The following SP3 variants were observed in gnomAD, a reference collection of about 807,000 sequenced individuals.
SP3 encodes the protein transcription factor Sp3.
Under a neutral mutation model 70.3 loss-of-function variants are expected in SP3, and 10 were observed. The observed-to-expected ratio is 0.14, with a 90% CI of 0.09 to 0.24. SP3 has a LOEUF of 0.24. Ranked by LOEUF, SP3 falls within the 10% of genes least tolerant of loss-of-function variation. SP3 has a pLI of 1.00. For missense variants in SP3, 825 were observed against 914.6 expected, an observed-to-expected ratio of 0.90 and a Z score of 1.26; for synonymous variants, 402 against 333.5, an observed-to-expected ratio of 1.21 and a Z score of -2.24.
In SP3 at chr2:173,944,953, C is replaced by T. The variant is rs147702920; in HGVS notation, c.1639+9920G>A. ...CCAACATGGTGAAACCCTGTCTCTA[C>T]GAAAAACAAACACTGAGCAGCCATT... On this transcript the variant is annotated intron_variant, in intron 4 of 6. Coordinates refer to ENST00000310015, the MANE Select transcript of SP3 (RefSeq NM_003111.5). Among the ~76,000 whole-genome samples the T allele has an allele frequency of 7.2e-4, 110 of 152,162 alleles. 1 individual carries two copies. In the East Asian group the frequency reaches 0.017, roughly 23 times the overall value.
At chr2:173,965,071 G>C (rs1691250011) in intron 1 of SP3, 94 bp downstream of exon 1, 1 of 1,496,644 alleles carries the variant, frequency 6.7e-7, no homozygotes. Flanking sequence ...GCACACACGG[G>C]GCCGAGACCG....
chr2:173,901,695 CTTTTTTTTTT>C lies in SP3; in HGVS notation c.*8236_*8245del, dbSNP rs34329180. On this transcript the variant is annotated 3_prime_UTR_variant, in exon 7 of 7. Transcript: ENST00000310015. The stretch of plus-strand genomic sequence containing the variant: ...GGGAAACAGTTAGTTGGACTTAAGC[CTTTTTTTTTT>C]TTTTTTTTTTTTTTGAGACGAAATC... Among the ~76,000 whole-genome samples the C allele has an allele frequency of 1.3e-5, 1 of 74,958 alleles. No individual in the cohort carries two copies. Among genetic ancestry groups the C allele is most frequent in the South Asian group, 6.5e-4 (1 of 1,532 alleles). 49.2% of individuals were successfully genotyped at this position (74,958 alleles called of 152,430 possible). A position where few individuals can be genotyped will look rare whatever the true frequency, so the allele number is the denominator to read the frequency against.
At chr2:173,928,216 C>T (rs1356432270) in intron 4 of SP3, among the ~76,000 whole-genome samples, 1 of 152,194 alleles carries the variant, frequency 6.6e-6, no homozygotes, top group African/African-American at 2.4e-5. Flanking sequence ...GAAACTCAAA[C>T]CCTTCAAAAT....
chr2:173,938,701 G>A (rs532992378), intron 4 of SP3, among the ~76,000 whole-genome samples: 1 of 152,228 alleles, frequency 6.6e-6, no homozygotes, highest in African/African-American at 2.4e-5. Context: ...TAATTCAAAG[G>A]TGGCAAGAAG....
intron 5 of SP3, chr2:173,915,916 T>C (rs943552022): frequency 6.6e-6 from 1 of 152,060 alleles, no homozygotes; most frequent in Non-Finnish European, 1.5e-5. Context: ...TCTCTAAAGA[T>C]GAATAAAATC....
chr2:173,916,471 C>T lies in SP3; in HGVS notation c.1832+2122G>A, dbSNP rs370198849. ...GTAAAACTGGGAAAAAACATTTGCACGTGACAGAGTTACATAAATTAACAG... is the reference window on the plus strand; with the variant it reads ...GTAAAACTGGGAAAAAACATTTGCATGTGACAGAGTTACATAAATTAACAG... On this transcript the variant is annotated intron_variant, in intron 5 of 6. Coordinates refer to ENST00000310015, the MANE Select transcript of SP3 (RefSeq NM_003111.5). The T allele has an allele frequency of 5.9e-5, 9 of 151,296 alleles. No homozygotes were observed. The South Asian group carries it at 1.0e-3, about 18-fold the overall frequency. The allele number at this position is 151,296 out of a possible 1,614,324, so 9.4% of individuals were successfully genotyped here. A position where few individuals can be genotyped will look rare whatever the true frequency, so the allele number is the denominator to read the frequency against.
intron 4 of SP3, among the ~76,000 whole-genome samples, chr2:173,934,361 C>G (rs1690156479): frequency 1.3e-5 from 2 of 152,080 alleles, no homozygotes; most frequent in Non-Finnish European, 2.9e-5. Flanking sequence ...CTCTTTAAAA[C>G]TTTCTTACCA....
intron 4 of SP3, among the ~76,000 whole-genome samples, chr2:173,949,669 A>T (rs1392061288): frequency 3.9e-5 from 6 of 152,148 alleles, no homozygotes; most frequent in African/African-American, 1.2e-4. Flanking sequence ...ATATTAAGTT[A>T]AAAAAGCCTG....
At chr2:173,915,653 TGACAAAGAAAACA>T (rs1420901833) in intron 5 of SP3, 1 of 152,040 alleles carries the variant, frequency 6.6e-6, no homozygotes, top group East Asian at 1.9e-4. Context: ...ACTGAAATGC[TGACAAAGAAAACA>T]GATTGTGCAC....
At chr2:173,964,159 C>T in intron 2 of SP3, 1 of 391,310 alleles carries the variant, frequency 2.6e-6, no homozygotes, top group Non-Finnish European at 4.5e-6. Context: ...GAACCCACCC[C>T]CGGGAGGGCA....
rs908940075 is a variant in SP3, at chr2:173,920,399, G to A, written c.1640-1614C>T. 3.3e-5 allele frequency among the ~76,000 whole-genome samples: 5 copies of A among 152,100 alleles called. No homozygotes were observed. In the South Asian group the frequency reaches 8.3e-4, roughly 25 times the overall value. On this transcript the variant is annotated intron_variant, in intron 4 of 6. Transcript: ENST00000310015. ...TCAAACTTACAGAATGTATAAACAC[G>A]AAGAGGGAACCCTAATGTAGAGTAT... is the stretch of plus-strand genomic sequence containing the variant.
Position 173,932,616 on chromosome 2 carries a change from T to C in SP3, c.1640-13831A>G, listed in dbSNP as rs1430640684. Among the ~76,000 whole-genome samples the C allele has an allele frequency of 7.2e-5, 11 of 152,334 alleles. No individual in the cohort carries two copies. In the East Asian group the frequency reaches 1.7e-3, roughly 24 times the overall value. On this transcript the variant is annotated intron_variant, in intron 4 of 6. Coordinates refer to ENST00000310015, the MANE Select transcript of SP3 (RefSeq NM_003111.5). Reference sequence around the variant, plus strand: ...TTATATCAATTAAGTTCACCTTCTATGGGTGCATGGTCTGTTGTGCCCCAA... The same window carrying C: ...TTATATCAATTAAGTTCACCTTCTACGGGTGCATGGTCTGTTGTGCCCCAA...
chr2:173,905,305 C>A lies in SP3; in HGVS notation c.*4636G>T, dbSNP rs1689282916. ...AAGGAGGTTACCATTTGAATCTCTA[C>A]CGTTAAGTCAGGCACTATGCTGAAT... On this transcript the variant is annotated 3_prime_UTR_variant, in exon 7 of 7. Transcript: ENST00000310015. Among the ~76,000 whole-genome samples the A allele has an allele frequency of 6.6e-6, 1 of 152,152 alleles. No homozygotes were observed. Among genetic ancestry groups the A allele is most frequent in the Non-Finnish European group, 1.5e-5 (1 of 68,034 alleles).
chr2:173,936,027 G>GT (rs1258138070), intron 4 of SP3, among the ~76,000 whole-genome samples: 3 of 151,270 alleles, frequency 2.0e-5, no homozygotes, highest in Admixed American at 2.0e-4. Context: ...TACCTTTTTT[G>GT]TTTTTTTGGT....
upstream of SP3, chr2:173,965,591 C>G (rs1691271642): frequency 4.8e-6 from 1 of 210,196 alleles, no homozygotes; most frequent in African/African-American, 2.4e-5. Flanking sequence ...GCCCGCCTCC[C>G]TCGCCGGCTG....
rs764921938 is a variant in SP3 at position 173,956,023 on chromosome 2, A to T, written c.489T>A (p.Gly163=). Residue 163 remains glycine (G), a synonymous_variant, in exon 4 of 7, where the codon GGT becomes GGA. Transcript: ENST00000310015. The part of the protein sequence containing the change: ...SVAPGSDSSN[G]TVSSVQYQVI... The stretch of plus-strand genomic sequence containing the variant: ...CTTGATATTGAACACTGGACACTGT[A>T]CCATTTGATGAATCTGATCCTGGTG... 6.2e-7 allele frequency: 1 copy of T among 1,614,158 alleles called. No homozygotes were observed. Among genetic ancestry groups the T allele is most frequent in the Non-Finnish European group, 8.5e-7 (1 of 1,179,994 alleles).
chr2:173,917,974 C>A (rs1439271069), intron 5 of SP3, among the ~76,000 whole-genome samples: 2 of 151,106 alleles, frequency 1.3e-5, no homozygotes, highest in African/African-American at 4.9e-5. Context: ...TTATAATTAA[C>A]ATCAGTCTGG....
intron 3 of SP3, among the ~76,000 whole-genome samples, chr2:173,960,656 A>T (rs975303011): frequency 1.3e-5 from 2 of 152,204 alleles, no homozygotes; most frequent in Admixed American, 1.3e-4. Flanking sequence ...ACCAAAGATC[A>T]AGCAATCACT....
chr2:173,905,560 C>T lies in SP3; in HGVS notation c.*4381G>A, dbSNP rs1000910197. 2.0e-5 allele frequency among the ~76,000 whole-genome samples: 3 copies of T among 151,996 alleles called. No individual in the cohort carries two copies. Among genetic ancestry groups the T allele is most frequent in the South Asian group, 2.1e-4 (1 of 4,830 alleles). ...TTAACATCAAAAACTGTATCTTAAACGTATTTAATACAATGAAGTGGCATG... is the reference window on the plus strand; with the variant it reads ...TTAACATCAAAAACTGTATCTTAAATGTATTTAATACAATGAAGTGGCATG... On this transcript the variant is annotated 3_prime_UTR_variant, in exon 7 of 7. Transcript: ENST00000310015.
Sources: allele counts gnomAD v4.1 joint callset (sites outside exome capture counted in the v4.1 genomes callset), GRCh38; gene constraint gnomAD v4.1.1; transcripts MANE v1.5; gene names NCBI Gene and HGNC (gene_info 2026-07-23, HGNC 2026-07-21).